The following MATN2 variants were observed in gnomAD, a reference collection of about 807,000 sequenced individuals.
The protein encoded by MATN2 is matrilin-2.
A neutral mutation model predicts 103.2 loss-of-function variants in MATN2; 69 were observed. The observed-to-expected ratio is 0.67, with a 90% CI of 0.55 to 0.82. The LOEUF (loss-of-function observed/expected upper bound fraction) is 0.82, where lower values mean the gene tolerates loss of function less well. Among genes scored for constraint, MATN2 ranks in the 40% least tolerant of loss-of-function variants. The pLI is 0.00. For missense variants in MATN2, 1,023 were observed against 1,211.5 expected (o/e 0.84, Z 2.31); for synonymous variants, 429 against 450.2 (o/e 0.95, Z 0.60).
chr8:98,026,007 G>A (rs1378632800), intron 13 of MATN2, among the ~76,000 whole-genome samples: 3 of 151,066 alleles, frequency 2.0e-5, no homozygotes, highest in Admixed American at 2.0e-4. Flanking sequence ...GCAAAACCCC[G>A]TCTCTACTAA....
chr8:98,006,178 A>G (rs994940637), intron 8 of MATN2, among the ~76,000 whole-genome samples: 1 of 152,262 alleles, frequency 6.6e-6, no homozygotes, highest in Non-Finnish European at 1.5e-5. Flanking sequence ...GGATGCCAGG[A>G]TAGGCCACAC....
chr8:98,017,039 G>A (rs955453103), intron 11 of MATN2, among the ~76,000 whole-genome samples: 3 of 152,012 alleles, frequency 2.0e-5, no homozygotes, highest in African/African-American at 4.8e-5. Context: ...TAAAAAAATG[G>A]ACAAACAAAA....
At position 97,931,432 on chromosome 8, in the gene MATN2, G is replaced by T; in HGVS notation, c.622G>T (p.Gly208Trp). 2 of 1,613,738 alleles carry T rather than the reference G, an allele frequency of 1.2e-6. No homozygotes were observed. The highest frequency in any genetic ancestry group is 1.7e-6 in the Non-Finnish European group (2 of 1,179,860). ...AGACTTCAACACCTTGAAGTCCATTGGGAGTGAGCCCCATGAGGACCATGT... is the reference window on the plus strand; with the variant it reads ...AGACTTCAACACCTTGAAGTCCATTTGGAGTGAGCCCCATGAGGACCATGT... ...QVDFNTLKSI[G>W]SEPHEDHVFL... The change falls in exon 3 of 19, where the codon GGG becomes TGG. Residue 208 changes from glycine (G) to tryptophan (W), a missense_variant. By Grantham distance (184) the Gly-to-Trp change is radical. Coordinates refer to ENST00000254898, the MANE Select transcript of MATN2 (RefSeq NM_002380.5). The surrounding 1 kb of genome is among the most constrained non-coding windows in gnomAD (Gnocchi z 4.1).
chr8:97,955,181 CATT>C (rs10615745), intron 4 of MATN2, among the ~76,000 whole-genome samples: 23,306 of 152,112 alleles, frequency 0.15, 1,995 homozygotes, highest in South Asian at 0.36. Context: ...TTGACCATCA[CATT>C]AGAGTTTTTG....
intron 1 of MATN2, among the ~76,000 whole-genome samples, chr8:97,883,066 G>C (rs369543390): frequency 1.2e-4 from 19 of 152,052 alleles, no homozygotes; most frequent in Middle Eastern, 3.2e-3. Flanking sequence ...CACCCTGAGA[G>C]GCCAAGGCAG....
At chr8:98,033,949 G>A (rs550927021) in intron 18 of MATN2, among the ~76,000 whole-genome samples, 1 of 152,164 alleles carries the variant, frequency 6.6e-6, no homozygotes, top group South Asian at 2.1e-4. Context: ...AAGAGACACT[G>A]GCCTAACTCC....
chr8:98,026,260 T>A (rs1237731421), intron 13 of MATN2, among the ~76,000 whole-genome samples: 1 of 150,956 alleles, frequency 6.6e-6, no homozygotes, highest in South Asian at 2.1e-4. Context: ...AATTTTGTTT[T>A]TTTTTTTTTT....
At chr8:98,034,412 C>T in intron 18 of MATN2, 1 of 303,306 alleles carries the variant, frequency 3.3e-6, no homozygotes, top group East Asian at 7.5e-5. Flanking sequence ...AGGGAAATGG[C>T]TTAATTCTGA....
intron 13 of MATN2, among the ~76,000 whole-genome samples, chr8:98,021,680 A>T (rs983743808): frequency 1.5e-5 from 1 of 68,142 alleles, no homozygotes; most frequent in East Asian, 2.1e-4. Flanking sequence ...GTTTAAACAT[A>T]AAAAAAAAAA....
intron 13 of MATN2, among the ~76,000 whole-genome samples, chr8:98,026,747 G>C (rs1813822178): frequency 6.6e-6 from 1 of 152,146 alleles, no homozygotes. Flanking sequence ...GACTGGAGGA[G>C]GAAACACATC....
chr8:97,905,278 T>C (rs1292227370), intron 2 of MATN2, among the ~76,000 whole-genome samples: 1 of 152,220 alleles, frequency 6.6e-6, no homozygotes, highest in Non-Finnish European at 1.5e-5. Context: ...TAGTACATGT[T>C]TGATGGTATT....
At chr8:97,940,884 C>T (rs1442800362) in intron 3 of MATN2, among the ~76,000 whole-genome samples, 2 of 151,972 alleles carry the variant, frequency 1.3e-5, no homozygotes, top group Admixed American at 1.3e-4. Flanking sequence ...AGAGGGCAGG[C>T]GTGGTGGCTT....
chr8:97,993,071 T>C (rs922403467), intron 6 of MATN2, among the ~76,000 whole-genome samples: 2 of 152,128 alleles, frequency 1.3e-5, no homozygotes, highest in African/African-American at 2.4e-5. Flanking sequence ...TGAAGCTGGG[T>C]GATATGTACA....
intron 14 of MATN2, among the ~76,000 whole-genome samples, chr8:98,029,039 ACTTG>A (rs879265326): frequency 2.0e-5 from 3 of 152,212 alleles, no homozygotes; most frequent in Non-Finnish European, 4.4e-5. Flanking sequence ...TGTGACAACT[ACTTG>A]CTGAGTGAAT....
At chr8:97,889,018 G>T (rs1296669069) in intron 2 of MATN2, among the ~76,000 whole-genome samples, 1 of 152,134 alleles carries the variant, frequency 6.6e-6, no homozygotes, top group Non-Finnish European at 1.5e-5. Flanking sequence ...ACATTTCTGA[G>T]AAATAAATGA....
In MATN2 at chr8:98,035,649, A is replaced by T; in HGVS notation, c.2816-8A>T. On this transcript the variant is annotated splice_region_variant and splice_polypyrimidine_tract_variant and intron_variant, in intron 18 of 18. Transcript: ENST00000254898. ...ACAATTCTTCATCTTCCTTAATTTG[A>T]GATTTACTAGAAGAAATGACACAGA... is the stretch of plus-strand genomic sequence containing the variant. 1 of 1,538,932 alleles carries T rather than the reference A, an allele frequency of 6.5e-7. No individual in the cohort carries two copies. The highest frequency in any genetic ancestry group is 8.9e-7 in the Non-Finnish European group (1 of 1,120,780).
chr8:97,989,081 A>G (rs1812299458), intron 6 of MATN2, among the ~76,000 whole-genome samples: 1 of 152,242 alleles, frequency 6.6e-6, no homozygotes, highest in African/African-American at 2.4e-5. Flanking sequence ...ACATATTAAA[A>G]AGTCAAAACC....
intron 1 of MATN2, among the ~76,000 whole-genome samples, chr8:97,882,032 C>T (rs1007953731): frequency 6.7e-6 from 1 of 149,866 alleles, no homozygotes; most frequent in Non-Finnish European, 1.5e-5. Context: ...AGCAATTCTC[C>T]TGCCTCACCC....
intron 2 of MATN2, among the ~76,000 whole-genome samples, chr8:97,893,561 C>CTTATTTAT (rs57936657): frequency 0.42 from 40,352 of 95,148 alleles, 5,737 homozygotes; most frequent in Middle Eastern, 0.5. Context: ...CCAGAGTATT[C>CTTATTTAT]TTATTTATTT....
Sources: allele counts gnomAD v4.1 joint callset (sites outside exome capture counted in the v4.1 genomes callset), GRCh38; gene constraint gnomAD v4.1.1; non-coding constraint Gnocchi (gnomAD v3.1); transcripts MANE v1.5; gene names NCBI Gene and HGNC (gene_info 2026-07-23, HGNC 2026-07-21).